Variants in GRIN2B observed in about 807,000 individuals in gnomAD.
GRIN2B encodes the protein glutamate receptor ionotropic, NMDA 2B.
A neutral mutation model predicts 114.5 loss-of-function variants in GRIN2B; 5 were observed. That is an observed-to-expected ratio of 0.04 (90% CI 0.02 to 0.09). The LOEUF (loss-of-function observed/expected upper bound fraction) is 0.09, where lower values mean the gene tolerates loss of function less well. GRIN2B is among the 10% of genes least tolerant of loss of function. GRIN2B has a pLI of 1.00. For missense variants in GRIN2B, 1,108 were observed against 1,943.5 expected (o/e 0.57, Z 8.08); for synonymous variants, 787 against 745.1 (o/e 1.06, Z -0.92).
At chr12:13,687,746 G>C (rs1049221192) in intron 4 of GRIN2B, among the ~76,000 whole-genome samples, 2 of 152,178 alleles carry the variant, frequency 1.3e-5, no homozygotes, top group Non-Finnish European at 2.9e-5. Context: ...AGAATTAGCT[G>C]GCTGCTCTTA....
At chr12:13,768,520 T>A (rs975538881) in intron 3 of GRIN2B, among the ~76,000 whole-genome samples, 4 of 152,132 alleles carry the variant, frequency 2.6e-5, no homozygotes, top group African/African-American at 9.7e-5. Flanking sequence ...CAGATGCAAG[T>A]GGAAAGCAAA....
chr12:13,895,131 G>T (rs1009425891), intron 2 of GRIN2B, among the ~76,000 whole-genome samples: 2 of 152,168 alleles, frequency 1.3e-5, no homozygotes, highest in Non-Finnish European at 2.9e-5. Flanking sequence ...TGAATGGTTT[G>T]ATTCAGTTCA....
At chr12:13,613,856 G>A (rs1448591180) in intron 8 of GRIN2B, among the ~76,000 whole-genome samples, 3 of 151,972 alleles carry the variant, frequency 2.0e-5, no homozygotes, top group East Asian at 1.9e-4. Context: ...GAATACAGAC[G>A]TAAACACACC....
chr12:13,569,738 C>G (rs1948683560), intron 12 of GRIN2B, 92 bp downstream of exon 12: 3 of 829,906 alleles, frequency 3.6e-6, no homozygotes, highest in Non-Finnish European at 5.8e-6. Context: ...CGGAAATGCA[C>G]AGGTTAAAGA....
At chr12:13,862,011 G>C (rs924614008) in intron 3 of GRIN2B, among the ~76,000 whole-genome samples, 5 of 152,166 alleles carry the variant, frequency 3.3e-5, no homozygotes, top group African/African-American at 1.2e-4. Context: ...AACAAACGTT[G>C]AGAGTCAGGG....
chr12:13,612,871 A>C (rs898690968), intron 8 of GRIN2B, among the ~76,000 whole-genome samples: 2 of 152,232 alleles, frequency 1.3e-5, no homozygotes, highest in Admixed American at 6.5e-5. Flanking sequence ...TTGTAAACTC[A>C]TAACTAAGTG....
chr12:13,733,342 C>G (rs1180770970), intron 4 of GRIN2B, among the ~76,000 whole-genome samples: 1 of 151,448 alleles, frequency 6.6e-6, no homozygotes, highest in Non-Finnish European at 1.5e-5. Flanking sequence ...TCATAAACAC[C>G]CTATACTTCC....
intron 5 of GRIN2B, 136 bp downstream of exon 5, chr12:13,675,609 T>C (rs1167665631): frequency 2.3e-5 from 16 of 705,892 alleles, no homozygotes; most frequent in Non-Finnish European, 3.9e-5. Context: ...AAATGGCTTC[T>C]CCTGTGTATC....
At chr12:13,702,104 T>C (rs1225240754) in intron 4 of GRIN2B, among the ~76,000 whole-genome samples, 4 of 152,244 alleles carry the variant, frequency 2.6e-5, no homozygotes, top group Non-Finnish European at 5.9e-5. Context: ...TTATAATTTA[T>C]GGATCTCTTT....
At chr12:13,884,627 T>TA (rs925466775) in intron 2 of GRIN2B, among the ~76,000 whole-genome samples, 4 of 152,108 alleles carry the variant, frequency 2.6e-5, no homozygotes, top group African/African-American at 9.7e-5. Flanking sequence ...GGACCTCCAA[T>TA]AAAAATTTTT....
Position 13,758,042 on chromosome 12 carries a change from C to T in GRIN2B, c.412-4127G>A, listed in dbSNP as rs113201792. Reference sequence around the variant, plus strand: ...TGGGGACTGCCTCAGCTAAAAAAGCCCACTTCCCCAAAGCCATATCCGTTT... The same window carrying T: ...TGGGGACTGCCTCAGCTAAAAAAGCTCACTTCCCCAAAGCCATATCCGTTT... On this transcript the variant is annotated intron_variant, in intron 3 of 13. Coordinates refer to ENST00000609686, the MANE Select transcript of GRIN2B (RefSeq NM_000834.5). 5.5e-3 allele frequency among the ~76,000 whole-genome samples: 839 copies of T among 152,294 alleles called. 6 individuals carry two copies. The highest frequency in any genetic ancestry group is 7.6e-3 in the Non-Finnish European group (517 of 68,028).
At chr12:13,644,288 G>A (rs1055609377) in intron 5 of GRIN2B, among the ~76,000 whole-genome samples, 5 of 152,166 alleles carry the variant, frequency 3.3e-5, no homozygotes, top group African/African-American at 1.2e-4. Flanking sequence ...GGTCTTGAAT[G>A]ACTAGATGTA....
chr12:13,832,936 T>C (rs1865178999), intron 3 of GRIN2B, among the ~76,000 whole-genome samples: 1 of 152,114 alleles, frequency 6.6e-6, no homozygotes, highest in African/African-American at 2.4e-5. Flanking sequence ...TGCACTCACA[T>C]CAACACTATA....
chr12:13,660,213 A>T (rs1016180064), intron 5 of GRIN2B, among the ~76,000 whole-genome samples: 1 of 152,186 alleles, frequency 6.6e-6, no homozygotes, highest in South Asian at 2.1e-4. Context: ...AATTTAGCCC[A>T]TAACTGGGGG....
intron 4 of GRIN2B, among the ~76,000 whole-genome samples, chr12:13,684,983 ACTATGG>A (rs1176482559): frequency 2.0e-5 from 3 of 152,310 alleles, no homozygotes; most frequent in Non-Finnish European, 4.4e-5. Context: ...AGGACATTCA[ACTATGG>A]CAGGAAGACT....
At chr12:13,633,397 A>G (rs961591813) in intron 5 of GRIN2B, among the ~76,000 whole-genome samples, 2 of 152,202 alleles carry the variant, frequency 1.3e-5, no homozygotes, top group Non-Finnish European at 1.5e-5. Context: ...ATTTTCCAAA[A>G]GTGAGTCTTT....
chr12:13,921,719 C>A (rs1430152595), intron 2 of GRIN2B, among the ~76,000 whole-genome samples: 1 of 152,266 alleles, frequency 6.6e-6, no homozygotes, highest in African/African-American at 2.4e-5. Context: ...CCATATAAAT[C>A]TTTTCTTAGC....
intron 10 of GRIN2B, among the ~76,000 whole-genome samples, chr12:13,592,994 C>T (rs1228553702): frequency 1.3e-5 from 2 of 152,130 alleles, no homozygotes; most frequent in African/African-American, 4.8e-5. Flanking sequence ...CATGAAGGCC[C>T]AGTTTACAGA....
chr12:13,718,832 G>T (rs1029558962), intron 4 of GRIN2B, among the ~76,000 whole-genome samples: 1 of 152,026 alleles, frequency 6.6e-6, no homozygotes, highest in Non-Finnish European at 1.5e-5. Flanking sequence ...CCTTCACGCT[G>T]TAAGTAGAAA....
Sources: gnomAD v4.1 joint callset for allele counts (sites outside exome capture counted in the v4.1 genomes callset) on GRCh38, gnomAD v4.1.1 for gene constraint, MANE v1.5 for transcripts, NCBI Gene and HGNC (gene_info 2026-07-23, HGNC 2026-07-21) for gene names.